Variants in PRKN observed in about 807,000 individuals in gnomAD.
The protein encoded by PRKN is parkin RBR E3 ubiquitin protein ligase.
A neutral mutation model predicts 59.5 loss-of-function variants in PRKN; 56 were observed. The ratio of observed to expected loss-of-function variants is 0.94; its 90% CI spans 0.76 to 1.18. The LOEUF (loss-of-function observed/expected upper bound fraction) is 1.18, where lower values mean the gene tolerates loss of function less well. Among genes scored for constraint, PRKN ranks in the 50% most tolerant of loss-of-function variants. The pLI, the probability that PRKN is intolerant of heterozygous loss-of-function variation, is 0.00. For missense variants in PRKN, 657 were observed against 596.4 expected, an observed-to-expected ratio of 1.10 and a Z score of -1.06; for synonymous variants, 250 against 222.1, an observed-to-expected ratio of 1.13 and a Z score of -1.12.
intron 9 of PRKN, among the ~76,000 whole-genome samples, chr6:161,540,563 G>C (rs960351602): frequency 6.6e-6 from 1 of 152,134 alleles, no homozygotes; most frequent in African/African-American, 2.4e-5. Context: ...GAACTATTGT[G>C]GGCCTAATGG....
intron 7 of PRKN, among the ~76,000 whole-genome samples, chr6:161,626,026 G>C (rs538624565): frequency 6.6e-6 from 1 of 152,258 alleles, no homozygotes; most frequent in African/African-American, 2.4e-5. Flanking sequence ...TACATCATCT[G>C]ATCTAATTTC....
rs934413952 is a variant in PRKN, at chr6:161,399,256, C to T, written c.1084-12379G>A. Among the ~76,000 whole-genome samples the T allele has an allele frequency of 2.6e-5, 4 of 152,144 alleles. No individual in the cohort carries two copies. The highest frequency in any genetic ancestry group is 4.4e-5 in the Non-Finnish European group (3 of 68,026). ...ACCCTGCAGTCACCATCCTTCAAGT[C>T]CATGGGTGACCTGATTTTTCTGGAT... On this transcript the variant is annotated intron_variant, in intron 9 of 11. Coordinates refer to ENST00000366898, the MANE Select transcript of PRKN (RefSeq NM_004562.3). This position sits in a 1 kb window ranked among gnomAD's most constrained non-coding sequence, Gnocchi z 4.4.
At chr6:162,248,308 T>A (rs987670542) in intron 3 of PRKN, among the ~76,000 whole-genome samples, 1 of 152,200 alleles carries the variant, frequency 6.6e-6, no homozygotes, top group East Asian at 1.9e-4. Context: ...CGGAGAAACA[T>A]TGATCAAACT....
intron 1 of PRKN, among the ~76,000 whole-genome samples, chr6:162,558,366 C>T (rs1220083568): frequency 7.6e-6 from 1 of 132,404 alleles, no homozygotes; most frequent in African/African-American, 2.8e-5. Flanking sequence ...TTTCGCTCTT[C>T]TTGCCCAGGC....
chr6:161,816,878 AC>A (rs1423025869), intron 6 of PRKN, among the ~76,000 whole-genome samples: 1 of 152,192 alleles, frequency 6.6e-6, no homozygotes, highest in Non-Finnish European at 1.5e-5. Flanking sequence ...CACAAAGAGA[AC>A]AGGGTTCAGT....
chr6:161,756,447 A>AGG (rs1788927448), intron 7 of PRKN, among the ~76,000 whole-genome samples: 1 of 143,440 alleles, frequency 7.0e-6, no homozygotes, highest in East Asian at 2.0e-4. Flanking sequence ...GTCTCGAAAA[A>AGG]AAAAAAAAAA....
Position 162,633,432 on chromosome 6 carries a change from C to CAAAAAAAAAAA in PRKN, c.7+94219_7+94229dup, listed in dbSNP as rs531688324. Among the ~76,000 whole-genome samples the CAAAAAAAAAAA allele has an allele frequency of 4.3e-3, 264 of 61,828 alleles. 26 individuals carry two copies. Among genetic ancestry groups the CAAAAAAAAAAA allele is most frequent in the Non-Finnish European group, 5.9e-3 (219 of 37,196 alleles). The allele number at this position is 61,828 out of a possible 152,430, so 40.6% of individuals were successfully genotyped here. Reference sequence around the variant, plus strand: ...CCTAGGTGACAGAGCAAGACTGTCTCAAAAAAAAAAAAAAAAAAAAAAAAA... The same window carrying CAAAAAAAAAAA: ...CCTAGGTGACAGAGCAAGACTGTCTCAAAAAAAAAAAAAAAAAAAAAAAAAAAAAAAAAAAA... On this transcript the variant is annotated intron_variant, in intron 1 of 11. Transcript: ENST00000366898.
chr6:162,008,832 G>A (rs1263472012), intron 5 of PRKN, among the ~76,000 whole-genome samples: 4 of 152,078 alleles, frequency 2.6e-5, no homozygotes, highest in Non-Finnish European at 5.9e-5. Context: ...TAACAGGAAA[G>A]ATAAAGGAAT....
intron 1 of PRKN, among the ~76,000 whole-genome samples, chr6:162,678,089 C>T (rs1779620965): frequency 6.6e-6 from 1 of 152,174 alleles, no homozygotes; most frequent in African/African-American, 2.4e-5. Flanking sequence ...TCTTTCCTTC[C>T]ACACAATGAT....
chr6:162,301,677 C>G (rs549256441), intron 2 of PRKN, among the ~76,000 whole-genome samples: 46 of 150,956 alleles, frequency 3.0e-4, no homozygotes, highest in Non-Finnish European at 5.4e-4. Flanking sequence ...TACATTAGGG[C>G]CCAATACTTA....
Position 161,779,034 on chromosome 6 carries a change from G to T in PRKN, c.871+6738C>A, listed in dbSNP as rs1790076239. On this transcript the variant is annotated intron_variant, in intron 7 of 11. Coordinates refer to ENST00000366898, the MANE Select transcript of PRKN (RefSeq NM_004562.3). ...GGCTCACTGCAACCTCCACCTCTCT[G>T]GTTCAAGTGATTCTCCTGCCTCAGC... Among the ~76,000 whole-genome samples, 5 of 152,162 alleles carry T rather than the reference G, an allele frequency of 3.3e-5. No individual in the cohort carries two copies. The South Asian group carries it at 1.0e-3, about 32-fold the overall frequency.
chr6:162,638,397 C>G (rs762543819), intron 1 of PRKN, among the ~76,000 whole-genome samples: 1 of 152,168 alleles, frequency 6.6e-6, no homozygotes, highest in Non-Finnish European at 1.5e-5. Context: ...GACTTTCCAA[C>G]TCTGTCTCCC....
intron 1 of PRKN, among the ~76,000 whole-genome samples, chr6:162,558,873 C>T (rs998708629): frequency 2.0e-5 from 3 of 150,704 alleles, no homozygotes; most frequent in Admixed American, 6.6e-5. Context: ...AGTTCCGGAG[C>T]TCAAGTGATC....
At chr6:162,370,267 T>A (rs2128136540) in intron 2 of PRKN, among the ~76,000 whole-genome samples, 1 of 152,270 alleles carries the variant, frequency 6.6e-6, no homozygotes, top group South Asian at 2.1e-4. Context: ...ATGATTTGGA[T>A]GTTGCCTCTC....
intron 5 of PRKN, among the ~76,000 whole-genome samples, chr6:162,013,655 A>G (rs1020070871): frequency 1.3e-5 from 2 of 152,138 alleles, no homozygotes; most frequent in Non-Finnish European, 2.9e-5. Flanking sequence ...TTCTTTTTCA[A>G]TATCTGTAGC....
chr6:162,254,637 C>A (rs1033163498), intron 3 of PRKN, among the ~76,000 whole-genome samples: 7 of 152,036 alleles, frequency 4.6e-5, no homozygotes, highest in Non-Finnish European at 8.8e-5. Context: ...AATGAACACC[C>A]ACTTGCTGAA....
At chr6:161,559,941 T>C (rs1780391586) in intron 8 of PRKN, among the ~76,000 whole-genome samples, 2 of 151,470 alleles carry the variant, frequency 1.3e-5, no homozygotes, top group South Asian at 4.2e-4. Context: ...AGAAGCTGCC[T>C]TAATGCCAAG....
At chr6:161,966,214 T>C (rs903260485) in intron 6 of PRKN, among the ~76,000 whole-genome samples, 2 of 152,050 alleles carry the variant, frequency 1.3e-5, no homozygotes, top group African/African-American at 4.8e-5. Flanking sequence ...GATGAGAATA[T>C]ACGAATTGTA....
At chr6:162,091,879 T>G (rs906837571) in intron 4 of PRKN, among the ~76,000 whole-genome samples, 3 of 151,580 alleles carry the variant, frequency 2.0e-5, no homozygotes, top group African/African-American at 7.3e-5. Flanking sequence ...CTACAAAAAT[T>G]ACAAATATTA....
Sources: allele counts gnomAD v4.1 joint callset (sites outside exome capture counted in the v4.1 genomes callset), GRCh38; gene constraint gnomAD v4.1.1; non-coding constraint Gnocchi (gnomAD v3.1); transcripts MANE v1.5; gene names NCBI Gene and HGNC (gene_info 2026-07-23, HGNC 2026-07-21).